LRRC38: variants seen among roughly 807,000 people sequenced by gnomAD.
LRRC38 encodes leucine rich repeat containing 38.
A neutral mutation model predicts 16.4 loss-of-function variants in LRRC38; 5 were observed. The observed-to-expected ratio is 0.31, with a 90% CI of 0.16 to 0.64. The LOEUF is 0.64. Among genes scored for constraint, LRRC38 ranks in the 30% least tolerant of loss-of-function variants. The pLI is 0.80. For missense variants in LRRC38, 341 were observed against 401.8 expected, an observed-to-expected ratio of 0.85 and a Z score of 1.29; for synonymous variants, 191 against 190.2, an observed-to-expected ratio of 1.00 and a Z score of -0.04.
At chr1:13,490,714 A>T (rs944060348) in intron 1 of LRRC38, among the ~76,000 whole-genome samples, 2 of 152,154 alleles carry the variant, frequency 1.3e-5, no homozygotes, top group Non-Finnish European at 1.5e-5. Context: ...CTGGTTAGGC[A>T]GTGTGAGGAA....
chr1:13,502,710 T>G (rs550526833), intron 1 of LRRC38, among the ~76,000 whole-genome samples: 1 of 152,340 alleles, frequency 6.6e-6, no homozygotes, highest in East Asian at 1.9e-4. Context: ...CTTTCACATC[T>G]GTGTTTCCTC....
intron 1 of LRRC38, among the ~76,000 whole-genome samples, chr1:13,512,613 T>C (rs1411245605): frequency 1.3e-5 from 2 of 151,964 alleles, no homozygotes; most frequent in Non-Finnish European, 2.9e-5. Flanking sequence ...TAGAGTAGGC[T>C]GCATTCCGCT....
At chr1:13,509,938 C>A (rs935693632) in intron 1 of LRRC38, among the ~76,000 whole-genome samples, 1 of 152,160 alleles carries the variant, frequency 6.6e-6, no homozygotes, top group Non-Finnish European at 1.5e-5. Context: ...CAGCCCCCTA[C>A]CCCCAGGCCC....
Position 13,487,729 on chromosome 1 carries a change from C to T in LRRC38, c.632-11630G>A, listed in dbSNP as rs945022615. On this transcript the variant is annotated intron_variant, in intron 1 of 1. Coordinates refer to ENST00000376085, the MANE Select transcript of LRRC38 (RefSeq NM_001010847.2). This position sits in a 1 kb window ranked among gnomAD's most constrained non-coding sequence, Gnocchi z 4.4. ...CATTCTCCAGAAATAGACAGTGACA[C>T]AGCGGATGTTAGATTGAGATTAATC... Among the ~76,000 whole-genome samples the T allele has an allele frequency of 6.6e-6, 1 of 152,174 alleles. No individual in the cohort carries two copies. Among genetic ancestry groups the T allele is most frequent in the Non-Finnish European group, 1.5e-5 (1 of 68,038 alleles).
At chr1:13,492,494 A>G (rs1229261397) in intron 1 of LRRC38, among the ~76,000 whole-genome samples, 4 of 152,120 alleles carry the variant, frequency 2.6e-5, no homozygotes, top group African/African-American at 7.2e-5. Context: ...TAAGGTCAGG[A>G]GCTCGAGACC....
chr1:13,491,277 C>T (rs778198893), intron 1 of LRRC38, among the ~76,000 whole-genome samples: 3 of 152,234 alleles, frequency 2.0e-5, no homozygotes, highest in Non-Finnish European at 4.4e-5. Context: ...AGCAGCCGTG[C>T]TGAGCATCAG....
At chr1:13,485,167 C>G (rs563510222) in intron 1 of LRRC38, among the ~76,000 whole-genome samples, 1 of 151,960 alleles carries the variant, frequency 6.6e-6, no homozygotes, top group African/African-American at 2.4e-5. Flanking sequence ...ATCCCACCTA[C>G]TCAGGAGGCT....
chr1:13,492,800 C>T (rs553104141), intron 1 of LRRC38, among the ~76,000 whole-genome samples: 1 of 152,300 alleles, frequency 6.6e-6, no homozygotes, highest in Admixed American at 6.5e-5. Flanking sequence ...GTTTGACTGG[C>T]ACCTCTGTGG....
At chr1:13,501,277 A>G (rs1208897842) in intron 1 of LRRC38, among the ~76,000 whole-genome samples, 1 of 152,128 alleles carries the variant, frequency 6.6e-6, no homozygotes, top group African/African-American at 2.4e-5. Flanking sequence ...TTTATGGCAC[A>G]GATGTGACAT....
intron 1 of LRRC38, among the ~76,000 whole-genome samples, chr1:13,489,567 C>T (rs1459542334): frequency 6.6e-6 from 1 of 152,104 alleles, no homozygotes; most frequent in Non-Finnish European, 1.5e-5. Context: ...GCACCAGGTC[C>T]TTAATTCACC....
rs202178932 is a variant in LRRC38, at chr1:13,480,250, C to T, written c.632-4151G>A. On this transcript the variant is annotated intron_variant, in intron 1 of 1. Transcript: ENST00000376085. The stretch of plus-strand genomic sequence containing the variant: ...ATCCCAGCTACTTGGGAGGCTGAGG[C>T]AAGAGAATTGCTTGAACCCCGGAGG... Among the ~76,000 whole-genome samples, 9 of 152,334 alleles carry T rather than the reference C, an allele frequency of 5.9e-5. 1 individual carries two copies. The East Asian group carries it at 1.7e-3, about 29-fold the overall frequency.
At chr1:13,501,374 C>T (rs1006373798) in intron 1 of LRRC38, among the ~76,000 whole-genome samples, 1 of 152,012 alleles carries the variant, frequency 6.6e-6, no homozygotes, top group African/African-American at 2.4e-5. Context: ...TTCCATAAAC[C>T]TCAAATTGCT....
chr1:13,491,673 TTCTC>T (rs1347548115), intron 1 of LRRC38, among the ~76,000 whole-genome samples: 7 of 152,064 alleles, frequency 4.6e-5, no homozygotes, highest in African/African-American at 1.7e-4. Flanking sequence ...CCATTTTCTT[TTCTC>T]TCTTTTTTTT....
intron 1 of LRRC38, among the ~76,000 whole-genome samples, chr1:13,490,282 C>G (rs1475231581): frequency 1.3e-5 from 2 of 152,060 alleles, no homozygotes; most frequent in African/African-American, 4.8e-5. Flanking sequence ...CCTCAGCCTC[C>G]CGAGTAGCTG....
chr1:13,502,587 T>G (rs913008163), intron 1 of LRRC38, among the ~76,000 whole-genome samples: 7 of 152,358 alleles, frequency 4.6e-5, no homozygotes, highest in Non-Finnish European at 1.0e-4. Context: ...TTCTGTGGCT[T>G]GCCATGTGAC....
chr1:13,501,466 T>TGGCACG (rs1295003031), intron 1 of LRRC38, among the ~76,000 whole-genome samples: 2 of 151,198 alleles, frequency 1.3e-5, no homozygotes, highest in African/African-American at 4.9e-5. Flanking sequence ...TGGGGTGCAG[T>TGGCACG]AGAGTGATCT....
intron 1 of LRRC38, among the ~76,000 whole-genome samples, chr1:13,492,952 G>A (rs991866214): frequency 2.7e-5 from 4 of 150,502 alleles, no homozygotes; most frequent in East Asian, 2.4e-4. Flanking sequence ...GAGTCCCGTC[G>A]CTCTTGGGAG....
chr1:13,504,766 A>AGGGAG (rs1451697041), intron 1 of LRRC38, among the ~76,000 whole-genome samples: 1 of 57,716 alleles, frequency 1.7e-5, no homozygotes, highest in African/African-American at 9.4e-5. Flanking sequence ...GGGGAGGGGA[A>AGGGAG]GGGAGGGAAG....
chr1:13,500,180 G>C (rs567234833), intron 1 of LRRC38, among the ~76,000 whole-genome samples: 1 of 151,468 alleles, frequency 6.6e-6, no homozygotes, highest in Admixed American at 6.6e-5. Context: ...ACTTGAACCC[G>C]GGAGGCAGAG....
Sources: gnomAD v4.1 joint callset for allele counts (sites outside exome capture counted in the v4.1 genomes callset) on GRCh38, gnomAD v4.1.1 for gene constraint, Gnocchi (gnomAD v3.1) non-coding constraint, MANE v1.5 for transcripts, NCBI Gene and HGNC (gene_info 2026-07-23, HGNC 2026-07-21) for gene names.